The following TVP23A variants were observed in gnomAD, a reference collection of about 807,000 sequenced individuals.
TVP23A encodes the protein trans-golgi network vesicle protein 23 homolog A.
In TVP23A, 21 loss-of-function variants were observed where a neutral mutation model predicts 31.7. That is an observed-to-expected ratio of 0.66 (90% CI 0.47 to 0.95). The LOEUF (loss-of-function observed/expected upper bound fraction) is 0.95, where lower values mean the gene tolerates loss of function less well. TVP23A is among the 40% of genes least tolerant of loss of function. The probability of loss-of-function intolerance (pLI) is 0.00; values close to 1 mark genes in which losing one functional copy is unlikely to be tolerated. For missense variants in TVP23A, 279 were observed against 255.6 expected (o/e 1.09, Z -0.62); for synonymous variants, 104 against 96.0 (o/e 1.08, Z -0.49).
intron 2 of TVP23A, among the ~76,000 whole-genome samples, chr16:10,786,852 T>G (rs919395756): frequency 6.6e-6 from 1 of 152,192 alleles, no homozygotes; most frequent in East Asian, 1.9e-4. Context: ...AGCCCTGACT[T>G]TGCATTGAGG....
chr16:10,810,576 AG>A (rs2034152144), intron 2 of TVP23A, among the ~76,000 whole-genome samples: 1 of 151,888 alleles, frequency 6.6e-6, no homozygotes, highest in East Asian at 1.9e-4. Context: ...AGAAAAGAAA[AG>A]AAAAAAGAAG....
chr16:10,795,251 CTTT>C (rs57002015), intron 2 of TVP23A, among the ~76,000 whole-genome samples: 4 of 139,298 alleles, frequency 2.9e-5, no homozygotes, highest in Non-Finnish European at 4.7e-5. Context: ...TTATATGATG[CTTT>C]TTTTTTTTTT....
intron 2 of TVP23A, among the ~76,000 whole-genome samples, chr16:10,797,986 T>C (rs543847254): frequency 8.7e-5 from 13 of 148,962 alleles, no homozygotes; most frequent in South Asian, 2.2e-4. Flanking sequence ...GATGGAGTCT[T>C]GCTCTGTCTC....
chr16:10,770,069 C>A (rs2031451182), intron 7 of TVP23A, among the ~76,000 whole-genome samples: 1 of 152,244 alleles, frequency 6.6e-6, no homozygotes, highest in Non-Finnish European at 1.5e-5. Context: ...CGCCCCCCGA[C>A]CCCCAGCTCC....
At chr16:10,757,938 C>G (rs781712898), downstream of TVP23A, 3 of 1,613,994 alleles carry the variant, frequency 1.9e-6, no homozygotes, top group African/African-American at 4.0e-5. This position sits in a 1 kb window ranked among gnomAD's most constrained non-coding sequence, Gnocchi z 4.1. Context: ...TGTGGACACC[C>G]CACCTGGGAC....
In TVP23A at chr16:10,812,880, T is replaced by C. The variant is rs189366497; in HGVS notation, c.89+5223A>G. On this transcript the variant is annotated intron_variant, in intron 2 of 7. Coordinates refer to ENST00000299866, the MANE Select transcript of TVP23A (RefSeq NM_001079512.4). ...GATGGAATTTTACGCTGTGGGTTTT[T>C]TTTAATCACAGTTTTTTAAAGTTGA... Among the ~76,000 whole-genome samples the C allele has an allele frequency of 1.8e-3, 276 of 152,286 alleles. 2 individuals carry two copies. Among genetic ancestry groups the C allele is most frequent in the African/African-American group, 6.0e-3 (249 of 41,554 alleles).
In TVP23A at chr16:10,818,700, AG is replaced by A; in HGVS notation, c.-208del. On this transcript the variant is annotated 5_prime_UTR_variant, in exon 1 of 8. Coordinates refer to ENST00000299866, the MANE Select transcript of TVP23A (RefSeq NM_001079512.4). The surrounding 1 kb of genome is among the most constrained non-coding windows in gnomAD (Gnocchi z 4.7). ...CCTAAGGCGCAGTCGCAGGCTGGGGAGGGGGCTCGGCTCGCCGGGGACGCGC... is the reference window on the plus strand; with the variant it reads ...CCTAAGGCGCAGTCGCAGGCTGGGGAGGGGCTCGGCTCGCCGGGGACGCGC... The A allele has an allele frequency of 3.8e-6, 2 of 531,036 alleles. No homozygotes were observed. Among genetic ancestry groups the A allele is most frequent in the East Asian group, 3.8e-5 (1 of 26,474 alleles). The allele number at this position is 531,036 out of a possible 1,614,324, so 32.9% of individuals were successfully genotyped here.
chr16:10,788,273 T>A (rs1197461444), intron 2 of TVP23A, among the ~76,000 whole-genome samples: 1 of 120,756 alleles, frequency 8.3e-6, no homozygotes, highest in East Asian at 2.2e-4. Context: ...GTGAGCAAGG[T>A]TTTTTTTTTG....
chr16:10,804,534 G>A (rs1440417581), intron 2 of TVP23A, among the ~76,000 whole-genome samples: 1 of 152,180 alleles, frequency 6.6e-6, no homozygotes, highest in South Asian at 2.1e-4. Context: ...GATTGCCTGA[G>A]GCCAGGAGTC....
chr16:10,801,983 A>C (rs1336534409), intron 2 of TVP23A, among the ~76,000 whole-genome samples: 1 of 152,048 alleles, frequency 6.6e-6, no homozygotes, highest in Non-Finnish European at 1.5e-5. Context: ...GCAATATAGC[A>C]AGATCTTGTT....
At chr16:10,801,772 G>A (rs1198249914) in intron 2 of TVP23A, among the ~76,000 whole-genome samples, 3 of 152,124 alleles carry the variant, frequency 2.0e-5, no homozygotes, top group African/African-American at 7.2e-5. Flanking sequence ...CGAACTGAGA[G>A]AAAAAATTAC....
intron 2 of TVP23A, among the ~76,000 whole-genome samples, chr16:10,813,695 G>A (rs1420931792): frequency 6.6e-6 from 1 of 152,124 alleles, no homozygotes; most frequent in Non-Finnish European, 1.5e-5. Context: ...AAGCCCATCT[G>A]TAGACCTCAG....
At position 10,775,416 on chromosome 16, in the gene TVP23A, T is replaced by C. The variant is rs1194783178; in HGVS notation, c.90-320A>G. On this transcript the variant is annotated intron_variant, in intron 2 of 7. Transcript: ENST00000299866. The stretch of plus-strand genomic sequence containing the variant: ...GTGAAACGTGACAGCAGTCACTGCC[T>C]TCCCGCCTAGCAGAGATGACGGCCA... 3 of 1,131,900 alleles carry C rather than the reference T, an allele frequency of 2.7e-6. No homozygotes were observed. The South Asian group carries it at 7.5e-5, about 28-fold the overall frequency. The allele number at this position is 1,131,900 out of a possible 1,614,324, so 70.1% of individuals were successfully genotyped here.
Position 10,773,327 on chromosome 16 carries a change from T to C in TVP23A, c.439A>G (p.Lys147Glu). ...VFFFSTLFSL[K>E]LKWLALVVAG... is the part of the protein sequence containing the mutation. ...TCTGGCCTTACCAGCCACTTTAGCT[T>C]CAAGGAAAATAAGGTGCTAAAAAAA... The change falls in exon 5 of 8, where the codon AAG (lysine) becomes GAG (glutamate). Residue 147 changes from lysine (K) to glutamate (E), a missense_variant. By Grantham distance (56) the Lys-to-Glu change is moderately conservative (BLOSUM62 1). Coordinates refer to ENST00000299866, the MANE Select transcript of TVP23A (RefSeq NM_001079512.4). 1 of 1,606,828 alleles carries C rather than the reference T, an allele frequency of 6.2e-7. No individual in the cohort carries two copies. The highest frequency in any genetic ancestry group is 2.2e-5 in the East Asian group (1 of 44,804).
At chr16:10,776,069 A>T (rs72785627) in intron 2 of TVP23A, among the ~76,000 whole-genome samples, 50,966 of 150,734 alleles carry the variant, frequency 0.34, 9,035 homozygotes, top group South Asian at 0.54. Context: ...TATTATTATT[A>T]TTTTTTAATG....
At chr16:10,762,346 T>C (rs2030055366), downstream of TVP23A, among the ~76,000 whole-genome samples, 1 of 152,084 alleles carries the variant, frequency 6.6e-6, no homozygotes, top group Non-Finnish European at 1.5e-5. Flanking sequence ...GGGGCCAAGT[T>C]CCCAAAAAAT....
Position 10,768,937 on chromosome 16 carries a change from T to C in TVP23A, c.*165A>G. The C allele has an allele frequency of 8.8e-6, 8 of 913,370 alleles. No individual in the cohort carries two copies. The South Asian group carries it at 1.2e-4, about 14-fold the overall frequency. The allele number at this position is 913,370 out of a possible 1,614,324, so 56.6% of individuals were successfully genotyped here. A position where few individuals can be genotyped will look rare whatever the true frequency, so the allele number is the denominator to read the frequency against. ...ACAGACACAGGTCTTTTTATGGAAC[T>C]AGCCAGAGGATTCCACCCCTGTCAA... On this transcript the variant is annotated 3_prime_UTR_variant, in exon 8 of 8. Transcript: ENST00000299866. The surrounding 1 kb of genome is among the most constrained non-coding windows in gnomAD (Gnocchi z 4.3).
intron 2 of TVP23A, among the ~76,000 whole-genome samples, chr16:10,795,539 C>T (rs1406613060): frequency 1.3e-5 from 2 of 152,166 alleles, no homozygotes; most frequent in African/African-American, 4.8e-5. Context: ...GTGTGAGCCA[C>T]TGTGCCCGGC....
At position 10,815,465 on chromosome 16, in the gene TVP23A, G is replaced by C. The variant is rs542173234; in HGVS notation, c.89+2638C>G. On this transcript the variant is annotated intron_variant, in intron 2 of 7. Transcript: ENST00000299866. The stretch of plus-strand genomic sequence containing the variant: ...AAATACTGAGTTGTAATAGCCACTG[G>C]TATGCCTACTCCCACCCTGCAAACC... Among the ~76,000 whole-genome samples, 12 of 152,270 alleles carry C rather than the reference G, an allele frequency of 7.9e-5. No individual in the cohort carries two copies. The South Asian group carries it at 2.1e-3, about 26-fold the overall frequency.
Sources: gnomAD v4.1 joint callset for allele counts (sites outside exome capture counted in the v4.1 genomes callset) on GRCh38, gnomAD v4.1.1 for gene constraint, Gnocchi (gnomAD v3.1) non-coding constraint, MANE v1.5 for transcripts, NCBI Gene and HGNC (gene_info 2026-07-23, HGNC 2026-07-21) for gene names.